Variants in VTI1A observed in about 807,000 individuals in gnomAD.
The protein encoded by VTI1A is vesicle transport through interaction with t-SNAREs 1A.
VTI1A carries 22 observed loss-of-function variants against 34.9 expected under a neutral mutation model. The observed-to-expected ratio is 0.63, with a 90% CI of 0.45 to 0.90. The LOEUF is 0.90. Among genes scored for constraint, VTI1A ranks in the 40% least tolerant of loss-of-function variants. VTI1A has a pLI of 0.00. For missense variants in VTI1A, 268 were observed against 275.6 expected, an observed-to-expected ratio of 0.97 and a Z score of 0.20; for synonymous variants, 87 against 97.3, an observed-to-expected ratio of 0.89 and a Z score of 0.62.
At position 112,464,666 on chromosome 10, in the gene VTI1A, A is replaced by G. The variant is rs1847838675; in HGVS notation, c.264+9A>G. On this transcript the variant is annotated intron_variant, in intron 3 of 7. Coordinates refer to ENST00000393077, the MANE Select transcript of VTI1A (RefSeq NM_145206.4). ...AACTCGAAACAGATTTTGTGAGTCA[A>G]ATTCGACCCTTTGTCATATTTACTT... 6.2e-7 allele frequency: 1 copy of G among 1,606,766 alleles called. No homozygotes were observed. Among genetic ancestry groups the G allele is most frequent in the Admixed American group, 1.7e-5 (1 of 59,918 alleles).
At chr10:112,731,106 A>T (rs1390651854) in intron 7 of VTI1A, among the ~76,000 whole-genome samples, 1 of 152,044 alleles carries the variant, frequency 6.6e-6, no homozygotes, top group Non-Finnish European at 1.5e-5. Context: ...CAAGGGTAGC[A>T]CTCGTTCAGA....
At chr10:112,684,219 C>T (rs1307705396) in intron 7 of VTI1A, among the ~76,000 whole-genome samples, 1 of 152,022 alleles carries the variant, frequency 6.6e-6, no homozygotes, top group Non-Finnish European at 1.5e-5. Context: ...CTATTATTTG[C>T]ATTAAGAGTA....
chr10:112,690,138 A>G (rs1173187601), intron 7 of VTI1A, among the ~76,000 whole-genome samples: 1 of 125,616 alleles, frequency 8.0e-6, no homozygotes, highest in Non-Finnish European at 1.6e-5. Context: ...GAGTGGGGGT[A>G]TACTACAATT....
intron 3 of VTI1A, among the ~76,000 whole-genome samples, chr10:112,502,794 A>G (rs995919578): frequency 3.9e-5 from 6 of 152,226 alleles, no homozygotes; most frequent in African/African-American, 1.2e-4. Flanking sequence ...CTAACCCTAT[A>G]TAACCCTGTG....
chr10:112,748,704 C>T (rs994704754), intron 7 of VTI1A, among the ~76,000 whole-genome samples: 5 of 146,974 alleles, frequency 3.4e-5, no homozygotes, highest in African/African-American at 1.3e-4. Flanking sequence ...CGGCTCACTG[C>T]AAGCTCCGCC....
At chr10:112,624,385 G>A (rs1040969049) in intron 5 of VTI1A, among the ~76,000 whole-genome samples, 6 of 152,004 alleles carry the variant, frequency 3.9e-5, no homozygotes, top group African/African-American at 1.2e-4. Context: ...ATTTGCTAGT[G>A]GTTCCTATTA....
intron 1 of VTI1A, among the ~76,000 whole-genome samples, chr10:112,448,189 T>G (rs1280238151): frequency 2.6e-5 from 4 of 152,198 alleles, no homozygotes; most frequent in African/African-American, 7.2e-5. Context: ...ACTTTTGGTG[T>G]TGTTAGTTGC....
At chr10:112,744,431 C>G (rs974938973) in intron 7 of VTI1A, among the ~76,000 whole-genome samples, 1 of 149,424 alleles carries the variant, frequency 6.7e-6, no homozygotes, top group Admixed American at 6.7e-5. Context: ...ATGGCATATG[C>G]TTACATGCTT....
chr10:112,843,196 G>A, the VTI1A span, among the ~76,000 whole-genome samples: 4 of 152,240 alleles, frequency 2.6e-5, no homozygotes, highest in Non-Finnish European at 5.9e-5. Flanking sequence ...TGACTCTAAT[G>A]TGAAGCTGTA....
At position 112,767,262 on chromosome 10, in the gene VTI1A, C is replaced by A. The variant is rs1310582295; in HGVS notation, c.561-48028C>A. Among the ~76,000 whole-genome samples the A allele has an allele frequency of 6.6e-6, 1 of 152,184 alleles. No homozygotes were observed. Among genetic ancestry groups the A allele is most frequent in the Non-Finnish European group, 1.5e-5 (1 of 68,020 alleles). On this transcript the variant is annotated intron_variant, in intron 7 of 7. Coordinates refer to ENST00000393077, the MANE Select transcript of VTI1A (RefSeq NM_145206.4). This position sits in a 1 kb window ranked among gnomAD's most constrained non-coding sequence, Gnocchi z 4.0. ...CTTTGGGTAAGTAGTTTTATCATCTCCTGCTACAGATGGTAAGGCCAAGGC... is the reference window on the plus strand; with the variant it reads ...CTTTGGGTAAGTAGTTTTATCATCTACTGCTACAGATGGTAAGGCCAAGGC...
chr10:112,760,285 AATTAGGCACAGTAAG>A (rs1442350873), intron 7 of VTI1A, among the ~76,000 whole-genome samples: 1 of 152,184 alleles, frequency 6.6e-6, no homozygotes, highest in Non-Finnish European at 1.5e-5. Context: ...GTAATTTATA[AATTAGGCACAGTAAG>A]AGATTAACAG....
In VTI1A at chr10:112,488,861, A is replaced by G. The variant is rs144621613; in HGVS notation, c.264+24204A>G. Among the ~76,000 whole-genome samples, 1,017 of 152,334 alleles carry G rather than the reference A, an allele frequency of 6.7e-3. 9 individuals carry two copies. Among genetic ancestry groups the G allele is most frequent in the Non-Finnish European group, 0.011 (722 of 68,032 alleles). ...CCTCAGTAGTCCTAGAAACTACAGTATTATATCTTATGTATTAACAAAGTT... is the reference window on the plus strand; with the variant it reads ...CCTCAGTAGTCCTAGAAACTACAGTGTTATATCTTATGTATTAACAAAGTT... On this transcript the variant is annotated intron_variant, in intron 3 of 7. Transcript: ENST00000393077.
At chr10:112,677,184 G>C (rs1380225505) in intron 7 of VTI1A, among the ~76,000 whole-genome samples, 1 of 152,126 alleles carries the variant, frequency 6.6e-6, no homozygotes, top group Non-Finnish European at 1.5e-5. Context: ...GAATCCGAGA[G>C]CTTTTTTCCG....
intron 7 of VTI1A, among the ~76,000 whole-genome samples, chr10:112,782,815 G>T (rs188502625): frequency 5.6e-4 from 85 of 152,208 alleles, no homozygotes; most frequent in African/African-American, 1.9e-3. Context: ...TACTGGGGGG[G>T]ATTCCAGCTT....
intron 5 of VTI1A, among the ~76,000 whole-genome samples, chr10:112,638,479 C>G (rs1846446808): frequency 6.6e-6 from 1 of 152,118 alleles, no homozygotes; most frequent in South Asian, 2.1e-4. Flanking sequence ...TAGCAATCCC[C>G]TAAATATTTA....
At chr10:112,839,033 G>A in the VTI1A span, among the ~76,000 whole-genome samples, 1 of 152,182 alleles carries the variant, frequency 6.6e-6, no homozygotes, top group African/African-American at 2.4e-5. Flanking sequence ...TCAGCCCAAG[G>A]AGGGGGCCAT....
chr10:112,488,462 G>T (rs1023465573), intron 3 of VTI1A, among the ~76,000 whole-genome samples: 1 of 152,058 alleles, frequency 6.6e-6, no homozygotes, highest in African/African-American at 2.4e-5. Context: ...TGTTATTCTT[G>T]GTTAAGATAG....
the VTI1A span, among the ~76,000 whole-genome samples, chr10:112,843,544 ACTG>A: frequency 6.6e-6 from 1 of 152,204 alleles, no homozygotes; most frequent in African/African-American, 2.4e-5. Flanking sequence ...CTCTAAAGTG[ACTG>A]CTAACAGCGT....
intron 3 of VTI1A, among the ~76,000 whole-genome samples, chr10:112,515,822 A>T (rs532773487): frequency 6.6e-6 from 1 of 152,058 alleles, no homozygotes; most frequent in South Asian, 2.1e-4. Context: ...TTTATATTAG[A>T]CTACAGCCAG....
Sources: allele counts gnomAD v4.1 joint callset (sites outside exome capture counted in the v4.1 genomes callset), GRCh38; gene constraint gnomAD v4.1.1; non-coding constraint Gnocchi (gnomAD v3.1); transcripts MANE v1.5; gene names NCBI Gene and HGNC (gene_info 2026-07-23, HGNC 2026-07-21).